The following EDA variants were observed in gnomAD, a reference collection of about 807,000 sequenced individuals.
EDA encodes the protein ectodysplasin A, also known as ectodysplasin-A.
EDA carries 2 observed loss-of-function variants against 23.6 expected under a neutral mutation model. The ratio of observed to expected loss-of-function variants is 0.08; its 90% confidence interval spans 0.03 to 0.27. The LOEUF (loss-of-function observed/expected upper bound fraction) is 0.27. Ranked by LOEUF, EDA falls within the 10% of genes least tolerant of loss-of-function variation. The pLI is 1.00. For synonymous variants in EDA, 131 were observed against 132.0 expected (o/e 0.99, Z 0.05); for missense variants, 229 against 324.2 (o/e 0.71, Z 2.26).
At chrX:69,789,821 A>G (rs2015346945) in intron 1 of EDA, among the ~76,000 whole-genome samples, 1 of 112,266 alleles carries the variant, frequency 8.9e-6, no homozygotes, top group African/African-American at 3.2e-5. Context: ...ATCTACTAAT[A>G]TAGCTTAACA....
intron 1 of EDA, among the ~76,000 whole-genome samples, chrX:69,911,803 T>C (rs1174216107): frequency 8.9e-6 from 1 of 112,430 alleles, no homozygotes; most frequent in African/African-American, 3.2e-5. Context: ...GAGCCTTCAG[T>C]CATAATCTTT....
intron 1 of EDA, among the ~76,000 whole-genome samples, chrX:69,643,892 A>G (rs996354005): frequency 9.0e-6 from 1 of 111,040 alleles, no homozygotes; most frequent in African/African-American, 3.3e-5. Flanking sequence ...TGTTTTTGTC[A>G]GGTTTGTTGA....
At chrX:69,953,404 G>C (rs1271775740) in intron 1 of EDA, among the ~76,000 whole-genome samples, 1 of 112,144 alleles carries the variant, frequency 8.9e-6, no homozygotes, top group Non-Finnish European at 1.9e-5. Context: ...AGTACCAACC[G>C]TTGGTGAAGA....
At chrX:69,804,187 T>C (rs1047434126) in intron 1 of EDA, among the ~76,000 whole-genome samples, 5 of 111,211 alleles carry the variant, frequency 4.5e-5, no homozygotes, top group Non-Finnish European at 9.5e-5. Flanking sequence ...GGTAGTGAGA[T>C]TGCTAGATCA....
chrX:69,700,680 C>T (rs762300609), intron 1 of EDA, among the ~76,000 whole-genome samples: 75 of 110,789 alleles, frequency 6.8e-4, no homozygotes, highest in Non-Finnish European at 1.1e-3. Context: ...TGGGTGGGCT[C>T]TTTAAGGGTA....
At chrX:69,837,902 C>G (rs933689257) in intron 1 of EDA, among the ~76,000 whole-genome samples, 8 of 112,377 alleles carry the variant, frequency 7.1e-5, no homozygotes, top group Admixed American at 2.8e-4. Context: ...ATGATCTTAC[C>G]ATTCCATCTT....
At chrX:69,807,432 T>G (rs1222983475) in intron 1 of EDA, among the ~76,000 whole-genome samples, 1 of 98,305 alleles carries the variant, frequency 1.0e-5, no homozygotes, top group East Asian at 3.2e-4. Context: ...ATACTGGATA[T>G]GGACTACAGG....
chrX:69,880,531 A>G (rs1338282571), intron 1 of EDA, among the ~76,000 whole-genome samples: 2 of 112,307 alleles, frequency 1.8e-5, no homozygotes, highest in Non-Finnish European at 3.8e-5. Context: ...CCAGTAGTGG[A>G]CAAAAAGAGA....
chrX:69,941,151 G>A lies in EDA; in HGVS notation c.397-15876G>A, dbSNP rs768737606. ...GGGAAGATACTTGATATTATTTCAA[G>A]TTTTTGAATGTTTTAAGACTTCTCT... On this transcript the variant is annotated intron_variant, in intron 1 of 7. Coordinates refer to ENST00000374552, the MANE Select transcript of EDA (RefSeq NM_001399.5). Among the ~76,000 whole-genome samples, 4 of 111,847 alleles carry A rather than the reference G, an allele frequency of 3.6e-5. No individual in the cohort carries two copies. In the South Asian group the frequency reaches 1.5e-3, roughly 41 times the overall value.
intron 1 of EDA, among the ~76,000 whole-genome samples, chrX:69,690,057 T>TC (rs1934665441): frequency 5.7e-4 from 1 of 1,746 alleles, no homozygotes. Context: ...TAGTAGGGTC[T>TC]TTGTGTGTGT....
intron 2 of EDA, among the ~76,000 whole-genome samples, chrX:70,008,942 A>G (rs1485023140): frequency 9.0e-6 from 1 of 111,625 alleles, no homozygotes; most frequent in African/African-American, 3.3e-5. Flanking sequence ...CAAATTGTCA[A>G]TTCAATTTTT....
chrX:69,833,349 T>G (rs2016671611), intron 1 of EDA, among the ~76,000 whole-genome samples: 1 of 111,851 alleles, frequency 8.9e-6, no homozygotes, highest in Non-Finnish European at 1.9e-5. Flanking sequence ...TTTATTGATT[T>G]GCGTATGTTG....
intron 1 of EDA, among the ~76,000 whole-genome samples, chrX:69,664,473 GT>G (rs1365426161): frequency 8.9e-6 from 1 of 111,784 alleles, no homozygotes; most frequent in African/African-American, 3.3e-5. Flanking sequence ...GGAACTATGA[GT>G]CAATTAAACC....
At chrX:69,666,202 A>G (rs1182065149) in intron 1 of EDA, among the ~76,000 whole-genome samples, 1 of 111,833 alleles carries the variant, frequency 8.9e-6, no homozygotes, top group Non-Finnish European at 1.9e-5. Context: ...TTTTTTATGG[A>G]CTTGGGGTTT....
At chrX:69,751,590 G>A (rs1169035747) in intron 1 of EDA, among the ~76,000 whole-genome samples, 1 of 111,845 alleles carries the variant, frequency 8.9e-6, no homozygotes, top group Non-Finnish European at 1.9e-5. Flanking sequence ...GATGGGGATG[G>A]CATTGAATCT....
chrX:69,794,885 G>C (rs1373566010), intron 1 of EDA, among the ~76,000 whole-genome samples: 1 of 111,830 alleles, frequency 8.9e-6, no homozygotes, highest in Admixed American at 9.5e-5. Context: ...TGTATGGAGG[G>C]GCAGAGATGA....
chrX:69,763,965 A>T (rs145737175), intron 1 of EDA, among the ~76,000 whole-genome samples: 1,502 of 110,972 alleles, frequency 0.014, 19 homozygotes, highest in African/African-American at 0.045. Flanking sequence ...CCCTGGGGAG[A>T]CTATGCTATA....
chrX:69,667,119 C>CTTTTTTT (rs35090201), intron 1 of EDA, among the ~76,000 whole-genome samples: 34 of 86,368 alleles, frequency 3.9e-4, no homozygotes, highest in East Asian at 1.5e-3. Context: ...TTTTCTTTTT[C>CTTTTTTT]TTTTTTTTTT....
chrX:69,639,047 G>C (rs1340249201), intron 1 of EDA, among the ~76,000 whole-genome samples: 1 of 109,703 alleles, frequency 9.1e-6, no homozygotes, highest in Admixed American at 9.8e-5. Flanking sequence ...TTCATGACTG[G>C]CTTACTTAAA....
Sources: gnomAD v4.1 joint callset for allele counts (sites outside exome capture counted in the v4.1 genomes callset) on GRCh38, gnomAD v4.1.1 for gene constraint, MANE v1.5 for transcripts, NCBI Gene and HGNC (gene_info 2026-07-23, HGNC 2026-07-21) for gene names.